The following PARD3B variants were observed in gnomAD, a reference collection of about 807,000 sequenced individuals.
PARD3B encodes the protein partitioning defective 3 homolog B.
A neutral mutation model predicts 130.2 loss-of-function variants in PARD3B; 103 were observed. The observed-to-expected ratio is 0.79, with a 90% CI of 0.67 to 0.93. The LOEUF is 0.93. Among genes scored for constraint, PARD3B ranks in the 40% least tolerant of loss-of-function variants. PARD3B has a pLI of 0.00. For synonymous variants in PARD3B, 583 were observed against 553.2 expected (o/e 1.05, Z -0.76); for missense variants, 1,609 against 1,499.2 (o/e 1.07, Z -1.21).
rs770381448 is a variant in PARD3B, at chr2:205,300,440, G to A, written c.2186-90G>A. 1.7e-5 allele frequency: 21 copies of A among 1,240,508 alleles called. No individual in the cohort carries two copies. The highest frequency in any genetic ancestry group is 2.1e-5 in the Non-Finnish European group (18 of 866,788). 76.8% of individuals were successfully genotyped at this position (1,240,508 alleles called of 1,614,324 possible). The stretch of plus-strand genomic sequence containing the variant: ...CACCCACTTAACACCCCTTTTTTGG[G>A]ATGTCCAGACAGAAATATTCTTAGA... On this transcript the variant is annotated intron_variant, in intron 16 of 22. Transcript: ENST00000406610. The surrounding 1 kb of genome is among the most constrained non-coding windows in gnomAD (Gnocchi z 4.1).
intron 1 of PARD3B, among the ~76,000 whole-genome samples, chr2:204,611,650 C>T (rs1418142281): frequency 6.6e-6 from 1 of 151,994 alleles, no homozygotes; most frequent in Non-Finnish European, 1.5e-5. Context: ...TATATATAAA[C>T]AACGAAAGGA....
At chr2:205,447,502 C>T (rs577371019) in intron 20 of PARD3B, among the ~76,000 whole-genome samples, 99 of 152,284 alleles carry the variant, frequency 6.5e-4, no homozygotes, top group Middle Eastern at 3.4e-3. Context: ...CTCAGCCTCC[C>T]GAGTAGCTGG....
intron 10 of PARD3B, among the ~76,000 whole-genome samples, chr2:205,156,326 T>C (rs1228748041): frequency 2.0e-5 from 3 of 151,214 alleles, no homozygotes; most frequent in Non-Finnish European, 2.9e-5. Flanking sequence ...GACGAGTTAA[T>C]GGGTGCAGCA....
At chr2:205,174,066 G>T (rs2035326427) in intron 12 of PARD3B, among the ~76,000 whole-genome samples, 1 of 152,174 alleles carries the variant, frequency 6.6e-6, no homozygotes, top group African/African-American at 2.4e-5. Flanking sequence ...AATGACTATG[G>T]TTCTAAAAGA....
intron 2 of PARD3B, among the ~76,000 whole-genome samples, chr2:204,860,215 T>C (rs1336726710): frequency 2.0e-5 from 3 of 149,720 alleles, no homozygotes; most frequent in Non-Finnish European, 4.5e-5. Context: ...TTTCTTAGGC[T>C]AAAAAAAAAA....
intron 20 of PARD3B, among the ~76,000 whole-genome samples, chr2:205,487,931 A>G (rs924943814): frequency 6.6e-6 from 1 of 152,218 alleles, no homozygotes; most frequent in Non-Finnish European, 1.5e-5. Flanking sequence ...TTCAAGTACC[A>G]TCTAAACAAC....
chr2:204,703,492 A>G (rs771215280), intron 2 of PARD3B, among the ~76,000 whole-genome samples: 1 of 152,204 alleles, frequency 6.6e-6, no homozygotes, highest in Non-Finnish European at 1.5e-5. Flanking sequence ...AAAGATTGTG[A>G]ATTTCTTTAC....
chr2:205,605,910 C>T (rs1447037648), intron 22 of PARD3B, among the ~76,000 whole-genome samples: 4 of 152,042 alleles, frequency 2.6e-5, no homozygotes, highest in African/African-American at 4.8e-5. Context: ...TCAGTCCCAG[C>T]GAGATCAGAG....
chr2:204,870,311 C>T (rs2045583845), intron 2 of PARD3B, among the ~76,000 whole-genome samples: 1 of 152,104 alleles, frequency 6.6e-6, no homozygotes, highest in Non-Finnish European at 1.5e-5. Flanking sequence ...AACTATAATT[C>T]AGAATATCCC....
chr2:205,400,238 A>T (rs1020444863), intron 18 of PARD3B, among the ~76,000 whole-genome samples: 9 of 152,148 alleles, frequency 5.9e-5, no homozygotes, highest in African/African-American at 2.2e-4. Context: ...CTATCTAAAT[A>T]ATAAGGAAAA....
intron 18 of PARD3B, among the ~76,000 whole-genome samples, chr2:205,365,442 T>C (rs1428549294): frequency 6.6e-6 from 1 of 151,556 alleles, no homozygotes; most frequent in Admixed American, 6.6e-5. Context: ...ATGTTCTTTC[T>C]GCCACAAAAC....
intron 1 of PARD3B, among the ~76,000 whole-genome samples, chr2:204,597,631 G>T (rs1020823180): frequency 6.6e-6 from 1 of 152,164 alleles, no homozygotes; most frequent in Admixed American, 6.5e-5. Flanking sequence ...TCTTAAGTGG[G>T]CCAGTCAATA....
At chr2:204,838,317 G>A (rs143205306) in intron 2 of PARD3B, among the ~76,000 whole-genome samples, 2,512 of 151,314 alleles carry the variant, frequency 0.017, 74 homozygotes, top group African/African-American at 0.057. Context: ...CAAGTAGCTG[G>A]GATTACAGGC....
intron 1 of PARD3B, among the ~76,000 whole-genome samples, chr2:204,587,093 G>A (rs184728261): frequency 1.2e-4 from 18 of 152,146 alleles, no homozygotes; most frequent in Admixed American, 3.9e-4. Context: ...GACTCTTCAT[G>A]TCCTGTAAAA....
At chr2:205,059,390 T>G (rs1426222216) in intron 4 of PARD3B, among the ~76,000 whole-genome samples, 1 of 152,120 alleles carries the variant, frequency 6.6e-6, no homozygotes, top group East Asian at 1.9e-4. Context: ...AGCTTCTGTC[T>G]GTGGGTCTTT....
At chr2:205,270,506 G>T (rs528068067) in intron 16 of PARD3B, among the ~76,000 whole-genome samples, 1 of 151,856 alleles carries the variant, frequency 6.6e-6, no homozygotes, top group Non-Finnish European at 1.5e-5. Flanking sequence ...GGCGGAGGTT[G>T]CAGTGAGCCA....
rs1232994625 is a variant in PARD3B, at chr2:205,552,557, C to T, written c.3181-767C>T. 3.9e-5 allele frequency among the ~76,000 whole-genome samples: 6 copies of T among 151,954 alleles called. 1 individual carries two copies. Among genetic ancestry groups the T allele is most frequent in the African/African-American group, 1.4e-4 (6 of 41,382 alleles). On this transcript the variant is annotated intron_variant, in intron 21 of 22. Transcript: ENST00000406610. ...CTGAGTAACTGGGACTACAGGCGTG[C>T]ACCACCACACCCGGCTAATTTTTGT...
chr2:205,053,072 A>G (rs768826427), intron 4 of PARD3B, among the ~76,000 whole-genome samples: 4 of 152,100 alleles, frequency 2.6e-5, no homozygotes, highest in Non-Finnish European at 5.9e-5. Flanking sequence ...GCATTTTTAC[A>G]GTGAGTGGCT....
chr2:205,490,798 G>A (rs1319961469), intron 20 of PARD3B, among the ~76,000 whole-genome samples: 5 of 152,212 alleles, frequency 3.3e-5, no homozygotes, highest in Non-Finnish European at 7.4e-5. Flanking sequence ...TTTAGTGATC[G>A]CCATTCTAAC....
Sources: allele counts gnomAD v4.1 joint callset (sites outside exome capture counted in the v4.1 genomes callset), GRCh38; gene constraint gnomAD v4.1.1; non-coding constraint Gnocchi (gnomAD v3.1); transcripts MANE v1.5; gene names NCBI Gene and HGNC (gene_info 2026-07-23, HGNC 2026-07-21).